Variants in CD38 observed in about 807,000 individuals in gnomAD.
CD38 encodes CD38 molecule.
A neutral mutation model predicts 36.3 loss-of-function variants in CD38; 31 were observed. The ratio of observed to expected loss-of-function variants is 0.85; its 90% CI spans 0.64 to 1.15. The LOEUF (loss-of-function observed/expected upper bound fraction) is 1.15. CD38 is among the 50% of genes most tolerant of loss of function. The pLI is 0.00. For synonymous variants in CD38, 131 were observed against 135.2 expected (o/e 0.97, Z 0.22); for missense variants, 380 against 371.9 (o/e 1.02, Z -0.18).
intron 1 of CD38, among the ~76,000 whole-genome samples, chr4:15,809,569 C>T (rs1360780256): frequency 6.6e-6 from 1 of 152,180 alleles, no homozygotes; most frequent in African/African-American, 2.4e-5. Flanking sequence ...TTTTCCAAAG[C>T]TCTTCAGGTG....
At chr4:15,819,111 T>C (rs1723675859) in intron 2 of CD38, among the ~76,000 whole-genome samples, 1 of 111,712 alleles carries the variant, frequency 9.0e-6, no homozygotes, top group African/African-American at 2.6e-5. Context: ...CCACATGTTC[T>C]CACTCATAAG....
At chr4:15,821,412 G>GA (rs528185361) in intron 2 of CD38, among the ~76,000 whole-genome samples, 22 of 151,170 alleles carry the variant, frequency 1.5e-4, no homozygotes, top group East Asian at 5.8e-4. Flanking sequence ...GTGGTTTTTT[G>GA]AAAAAAAATT....
At chr4:15,808,357 A>G (rs1723389277) in intron 1 of CD38, among the ~76,000 whole-genome samples, 1 of 152,224 alleles carries the variant, frequency 6.6e-6, no homozygotes, top group African/African-American at 2.4e-5. Flanking sequence ...TGTGACCAAG[A>G]GACCTGGGAG....
At chr4:15,804,588 T>C (rs1393498954) in intron 1 of CD38, among the ~76,000 whole-genome samples, 2 of 152,078 alleles carry the variant, frequency 1.3e-5, no homozygotes, top group Admixed American at 1.3e-4. Flanking sequence ...AATGCAGCCA[T>C]AAAAGAGAAT....
At chr4:15,820,136 G>A (rs1723700464) in intron 2 of CD38, among the ~76,000 whole-genome samples, 1 of 152,164 alleles carries the variant, frequency 6.6e-6, no homozygotes, top group African/African-American at 2.4e-5. Context: ...TTTCAGACAA[G>A]CAAATGCTAA....
Position 15,778,548 on chromosome 4 carries a change from G to A in CD38, c.134G>A (p.Arg45Lys). The change falls in exon 1 of 8, where the codon AGG becomes AAG. Residue 45 changes from arginine (R) to lysine (K), a missense_variant. Transcript: ENST00000226279. This position sits in a 1 kb window ranked among gnomAD's most constrained non-coding sequence, Gnocchi z 4.9. ...LVVVLAVVVP[R>K]WRQQWSGPGT... is the part of the protein sequence containing the mutation. ...GTGGTGCTCGCGGTGGTCGTCCCGA[G>A]GTGGCGCCAGCAGTGGAGCGGTCCG... is the stretch of plus-strand genomic sequence containing the variant. 6.2e-7 allele frequency: 1 copy of A among 1,611,434 alleles called. No homozygotes were observed.
At chr4:15,806,062 C>A (rs1326645073) in intron 1 of CD38, among the ~76,000 whole-genome samples, 1 of 152,172 alleles carries the variant, frequency 6.6e-6, no homozygotes, top group Non-Finnish European at 1.5e-5. Flanking sequence ...AACATAGTTG[C>A]TCTTTGTGAG....
intron 1 of CD38, among the ~76,000 whole-genome samples, chr4:15,810,992 C>T (rs1361377024): frequency 1.3e-5 from 2 of 152,108 alleles, no homozygotes; most frequent in Admixed American, 1.3e-4. Context: ...AGTGGTATCT[C>T]TTCGTTTTGA....
intron 1 of CD38, among the ~76,000 whole-genome samples, chr4:15,782,399 T>G (rs1560304367): frequency 6.6e-6 from 1 of 152,240 alleles, no homozygotes; most frequent in Non-Finnish European, 1.5e-5. Flanking sequence ...TGGTCTTTCT[T>G]TTGTCCTTCT....
chr4:15,807,637 C>T (rs1723371474), intron 1 of CD38, among the ~76,000 whole-genome samples: 1 of 152,194 alleles, frequency 6.6e-6, no homozygotes, highest in Admixed American at 6.5e-5. Context: ...GGAGCTAAAG[C>T]AGCTAGACTG....
At position 15,850,051 on chromosome 4, in the gene CD38, A is replaced by T. The variant is rs1357187044; in HGVS notation, c.*1449A>T. 6.6e-6 allele frequency: 1 copy of T among 152,168 alleles called. No individual in the cohort carries two copies. The highest frequency in any genetic ancestry group is 1.5e-5 in the Non-Finnish European group (1 of 68,026). The allele number at this position is 152,168 out of a possible 1,614,324, so 9.4% of individuals were successfully genotyped here. On this transcript the variant is annotated 3_prime_UTR_variant, in exon 8 of 8. Transcript: ENST00000226279. ...GCCAGGCATGGTGGCTCACACCTGT[A>T]TCCCCAGCACTTTGGGAGGCCGAGA...
At chr4:15,811,948 T>A in intron 1 of CD38, among the ~76,000 whole-genome samples, 1 of 152,320 alleles carries the variant, frequency 6.6e-6, no homozygotes, top group Non-Finnish European at 1.5e-5. Context: ...TTAAAAATGT[T>A]TGGGCCCTCA....
chr4:15,842,233 T>C (rs13150692), intron 7 of CD38, among the ~76,000 whole-genome samples: 5,140 of 89,264 alleles, frequency 0.058, 98 homozygotes, highest in African/African-American at 0.094. Flanking sequence ...AGACTGCCTC[T>C]TCAAGTGGGT....
intron 2 of CD38, among the ~76,000 whole-genome samples, chr4:15,821,337 C>T (rs1362046043): frequency 6.6e-6 from 1 of 151,152 alleles, no homozygotes; most frequent in Non-Finnish European, 1.5e-5. Context: ...AATAACCAAG[C>T]TCAGAGCAGA....
intron 1 of CD38, among the ~76,000 whole-genome samples, chr4:15,793,352 A>G (rs1723044319): frequency 6.6e-6 from 1 of 152,122 alleles, no homozygotes; most frequent in East Asian, 1.9e-4. Flanking sequence ...AGTAAAGGGA[A>G]CAAAGTTTTT....
intron 1 of CD38, among the ~76,000 whole-genome samples, chr4:15,794,301 C>T (rs1723064282): frequency 6.6e-6 from 1 of 152,188 alleles, no homozygotes. Flanking sequence ...TTAGTACTAT[C>T]TGCAGTTTCA....
At chr4:15,827,743 AT>A (rs756686007) in intron 3 of CD38, among the ~76,000 whole-genome samples, 1 of 152,070 alleles carries the variant, frequency 6.6e-6, no homozygotes, top group Non-Finnish European at 1.5e-5. Context: ...GAACTGATTT[AT>A]TTACAGTTCA....
In CD38 at chr4:15,778,798, C is replaced by T; in HGVS notation, c.233+151C>T. ...GTGGTGCTGAGTAGGGAGTCCCGGG[C>T]TCGGGGCTCCGCGGGCCGCTTTCAG... On this transcript the variant is annotated intron_variant, in intron 1 of 7. Coordinates refer to ENST00000226279, the MANE Select transcript of CD38 (RefSeq NM_001775.4). This position sits in a 1 kb window ranked among gnomAD's most constrained non-coding sequence, Gnocchi z 4.9. The T allele has an allele frequency of 1.7e-6, 1 of 596,622 alleles. No homozygotes were observed. The highest frequency in any genetic ancestry group is 1.9e-5 in the African/African-American group (1 of 52,104). 37.0% of individuals were successfully genotyped at this position (596,622 alleles called of 1,614,324 possible). A position where few individuals can be genotyped will look rare whatever the true frequency, so the allele number is the denominator to read the frequency against.
chr4:15,780,513 C>G (rs1269432812), intron 1 of CD38, among the ~76,000 whole-genome samples: 1 of 121,966 alleles, frequency 8.2e-6, no homozygotes, highest in African/African-American at 3.1e-5. Flanking sequence ...ATAATATTCT[C>G]TCTCTCACAC....
Sources: allele counts gnomAD v4.1 joint callset (sites outside exome capture counted in the v4.1 genomes callset), GRCh38; gene constraint gnomAD v4.1.1; non-coding constraint Gnocchi (gnomAD v3.1); transcripts MANE v1.5; gene names NCBI Gene and HGNC (gene_info 2026-07-23, HGNC 2026-07-21).